GABRG3: variants seen among roughly 807,000 people sequenced by gnomAD.
GABRG3 encodes gamma-aminobutyric acid type A receptor subunit gamma3.
GABRG3 carries 25 observed loss-of-function variants against 48.8 expected under a neutral mutation model. That is an observed-to-expected ratio of 0.51 (90% confidence interval 0.37 to 0.72). GABRG3 has a LOEUF of 0.72. Ranked by LOEUF, GABRG3 falls within the 30% of genes least tolerant of loss-of-function variation. The probability of loss-of-function intolerance (pLI) is 0.00; values close to 1 mark genes in which losing one functional copy is unlikely to be tolerated. For synonymous variants in GABRG3, 227 were observed against 217.6 expected (o/e 1.04, Z -0.38); for missense variants, 394 against 577.9 (o/e 0.68, Z 3.26).
chr15:27,057,035 T>G (rs1293493014), intron 3 of GABRG3, among the ~76,000 whole-genome samples: 2 of 152,190 alleles, frequency 1.3e-5, no homozygotes, highest in African/African-American at 4.8e-5. Context: ...AGACAGGGTG[T>G]GGAGTAAACA....
rs770857422 is a variant in GABRG3, at chr15:27,328,845, C to T, written c.531C>T (p.Asn177=). The T allele has an allele frequency of 6.2e-7, 1 of 1,614,072 alleles. No individual in the cohort carries two copies. The highest frequency in any genetic ancestry group is 1.7e-5 in the Admixed American group (1 of 60,034). The change falls in exon 5 of 10, where the codon AAC becomes AAT. Residue 177 remains asparagine, a synonymous_variant. Transcript: ENST00000615808. The part of the protein sequence containing the change: ...INAECQLQLH[N]FPMDEHSCPL... ...CTGAGTGCCAGCTGCAGCTGCACAACTTCCCCATGGACGAACACTCCTGCC... is the reference window on the plus strand; with the variant it reads ...CTGAGTGCCAGCTGCAGCTGCACAATTTCCCCATGGACGAACACTCCTGCC...
intron 3 of GABRG3, among the ~76,000 whole-genome samples, chr15:27,156,758 C>T (rs373218194): frequency 4.6e-5 from 7 of 152,194 alleles, no homozygotes; most frequent in African/African-American, 1.7e-4. Flanking sequence ...CCAGCTTTTA[C>T]TCTGAAGGTG....
At chr15:26,984,341 T>C (rs1895112230) in intron 2 of GABRG3, among the ~76,000 whole-genome samples, 1 of 152,112 alleles carries the variant, frequency 6.6e-6, no homozygotes, top group South Asian at 2.1e-4. Context: ...CAGGAAACAA[T>C]TGTGCATCAC....
rs1297517376 is a variant in GABRG3 at position 27,003,984 on chromosome 15, A to AC, written c.203-22764dup. 1.9e-3 allele frequency among the ~76,000 whole-genome samples: 243 copies of AC among 130,076 alleles called. 3 individuals are homozygous for AC. The highest frequency in any genetic ancestry group is 3.0e-3 in the Non-Finnish European group (182 of 61,672). 85.3% of individuals were successfully genotyped at this position (130,076 alleles called of 152,430 possible). A position where few individuals can be genotyped will look rare whatever the true frequency, so the allele number is the denominator to read the frequency against. Reference sequence around the variant, plus strand: ...GGGCGGCTGGCCGGGCGGGGGGCTGACCCCCCACCTCCCTCCCGGACGGGG... The same window carrying AC: ...GGGCGGCTGGCCGGGCGGGGGGCTGACCCCCCCACCTCCCTCCCGGACGGGG... On this transcript the variant is annotated intron_variant, in intron 2 of 9. Transcript: ENST00000615808.
chr15:27,111,961 C>T (rs1897557857), intron 3 of GABRG3, among the ~76,000 whole-genome samples: 1 of 152,134 alleles, frequency 6.6e-6, no homozygotes, highest in African/African-American at 2.4e-5. Context: ...ACAACAGTTA[C>T]ACTCCCCATT....
At chr15:27,198,913 C>T (rs1217377816) in intron 3 of GABRG3, among the ~76,000 whole-genome samples, 1 of 152,062 alleles carries the variant, frequency 6.6e-6, no homozygotes, top group Non-Finnish European at 1.5e-5. Flanking sequence ...CTAAACATCG[C>T]ATGTTCTCAC....
chr15:27,364,877 A>G (rs541281804), intron 5 of GABRG3: 1 of 152,348 alleles, frequency 6.6e-6, no homozygotes, highest in East Asian at 1.9e-4. Flanking sequence ...TGGTATTGCT[A>G]CTTATCTCAG....
chr15:27,390,294 C>T (rs1388510366), intron 5 of GABRG3, among the ~76,000 whole-genome samples: 2 of 152,166 alleles, frequency 1.3e-5, no homozygotes, highest in African/African-American at 4.8e-5. Context: ...AATTTGACTT[C>T]ACCAGAAATA....
chr15:27,169,147 A>G (rs1887479358), intron 3 of GABRG3, among the ~76,000 whole-genome samples: 1 of 152,176 alleles, frequency 6.6e-6, no homozygotes, highest in Non-Finnish European at 1.5e-5. Context: ...TCTCATATTC[A>G]CAGAAAACAT....
At chr15:27,088,390 G>A (rs978499853) in intron 3 of GABRG3, among the ~76,000 whole-genome samples, 1 of 152,042 alleles carries the variant, frequency 6.6e-6, no homozygotes, top group Non-Finnish European at 1.5e-5. Flanking sequence ...GAGGGCAGGC[G>A]CTCGTGGGAG....
At position 27,151,451 on chromosome 15, in the gene GABRG3, C is replaced by T. The variant is rs73373412; in HGVS notation, c.270+124630C>T. Among the ~76,000 whole-genome samples the T allele has an allele frequency of 6.0e-3, 913 of 151,548 alleles. 10 individuals are homozygous for T. Among genetic ancestry groups the T allele is most frequent in the African/African-American group, 0.02 (832 of 41,268 alleles). ...TTACTTTTTATTGCGAGTAGTATTC[C>T]GTAGTATGCTGGGCAGAATAAGAGC... On this transcript the variant is annotated intron_variant, in intron 3 of 9. Transcript: ENST00000615808.
chr15:27,287,235 A>G (rs749581134), intron 3 of GABRG3, among the ~76,000 whole-genome samples: 23 of 152,184 alleles, frequency 1.5e-4, no homozygotes, highest in Non-Finnish European at 1.9e-4. Context: ...TATTCAGAAA[A>G]TATTAAAAAG....
At chr15:27,377,816 T>A (rs1322336101) in intron 5 of GABRG3, among the ~76,000 whole-genome samples, 1 of 152,218 alleles carries the variant, frequency 6.6e-6, no homozygotes, top group Non-Finnish European at 1.5e-5. Flanking sequence ...AAAGCTTGTA[T>A]ATATGGAGTC....
chr15:27,017,611 C>A (rs1242128036), intron 2 of GABRG3, among the ~76,000 whole-genome samples: 4 of 152,198 alleles, frequency 2.6e-5, no homozygotes, highest in Non-Finnish European at 5.9e-5. Context: ...TTCTTTCTTT[C>A]CTCAGGGAGA....
At chr15:27,458,085 C>T (rs1002181238) in intron 5 of GABRG3, among the ~76,000 whole-genome samples, 5 of 152,138 alleles carry the variant, frequency 3.3e-5, no homozygotes, top group African/African-American at 1.2e-4. Context: ...CTCAGTCCCC[C>T]CTCCCTGTAT....
At chr15:27,201,662 G>A (rs1326607216) in intron 3 of GABRG3, among the ~76,000 whole-genome samples, 1 of 152,108 alleles carries the variant, frequency 6.6e-6, no homozygotes, top group Non-Finnish European at 1.5e-5. Flanking sequence ...CTTCAGCCAA[G>A]CCACAAGGGG....
rs1222151617 is a variant in GABRG3 at position 27,319,242 on chromosome 15, A to G, written c.271-7567A>G. Among the ~76,000 whole-genome samples, 12 of 152,178 alleles carry G rather than the reference A, an allele frequency of 7.9e-5. No individual in the cohort carries two copies. On this transcript the variant is annotated intron_variant, in intron 3 of 9. Coordinates refer to ENST00000615808, the MANE Select transcript of GABRG3 (RefSeq NM_033223.5). This position sits in a 1 kb window ranked among gnomAD's most constrained non-coding sequence, Gnocchi z 4.4. ...AGGGGGAAAAAAATGTCTGAAACCAACAAGGGCTCCAGTGAGCCTCGGTCA... is the reference window on the plus strand; with the variant it reads ...AGGGGGAAAAAAATGTCTGAAACCAGCAAGGGCTCCAGTGAGCCTCGGTCA...
intron 5 of GABRG3, among the ~76,000 whole-genome samples, chr15:27,367,985 G>C (rs1383133695): frequency 3.3e-5 from 5 of 152,110 alleles, no homozygotes; most frequent in Non-Finnish European, 7.4e-5. Context: ...TAAGCATGCT[G>C]TTCTTATCTC....
chr15:27,328,744 A>ACGGC, intron 4 of GABRG3, 62 bp from the exon 5 acceptor site: 2 of 1,454,524 alleles, frequency 1.4e-6, no homozygotes, highest in Non-Finnish European at 1.9e-6. Flanking sequence ...GGGTGCCGTA[A>ACGGC]CGGCCGCCGG....
Sources: gnomAD v4.1 joint callset for allele counts (sites outside exome capture counted in the v4.1 genomes callset) on GRCh38, gnomAD v4.1.1 for gene constraint, Gnocchi (gnomAD v3.1) non-coding constraint, MANE v1.5 for transcripts, NCBI Gene and HGNC (gene_info 2026-07-23, HGNC 2026-07-21) for gene names.